Variants in ACAD11 observed in about 807,000 individuals in gnomAD.
ACAD11 encodes the protein acyl-Coenzyme A dehydrogenase family, member 11.
A neutral mutation model predicts 102.2 loss-of-function variants in ACAD11; 83 were observed. The ratio of observed to expected loss-of-function variants is 0.81; its 90% CI spans 0.68 to 0.97. The LOEUF is 0.97. Among genes scored for constraint, ACAD11 ranks in the 50% least tolerant of loss-of-function variants. The pLI, the probability that ACAD11 is intolerant of heterozygous loss-of-function variation, is 0.00. For missense variants in ACAD11, 901 were observed against 951.7 expected, an observed-to-expected ratio of 0.95 and a Z score of 0.70; for synonymous variants, 324 against 319.8, an observed-to-expected ratio of 1.01 and a Z score of -0.14.
intron 17 of ACAD11, among the ~76,000 whole-genome samples, chr3:132,568,498 A>G (rs760303344): frequency 1.3e-5 from 2 of 152,226 alleles, no homozygotes; most frequent in Non-Finnish European, 2.9e-5. Flanking sequence ...TATAGACAAG[A>G]TTATTTTTAA....
At chr3:132,605,481 A>C (rs888872271) in intron 11 of ACAD11, among the ~76,000 whole-genome samples, 2 of 152,222 alleles carry the variant, frequency 1.3e-5, no homozygotes, top group African/African-American at 4.8e-5. Flanking sequence ...CATCTAACTC[A>C]ATTAGAACTG....
intron 4 of ACAD11, 134 bp from the exon 5 acceptor site, chr3:132,639,790 C>G (rs1421784851): frequency 1.4e-6 from 1 of 740,248 alleles, no homozygotes; most frequent in African/African-American, 1.8e-5. Flanking sequence ...ATACTCCTGT[C>G]ATCCTAAAAC....
chr3:132,576,855 G>A (rs1053780274), intron 16 of ACAD11, 89 bp downstream of exon 16: 1 of 942,760 alleles, frequency 1.1e-6, no homozygotes, highest in African/African-American at 1.7e-5. Context: ...TAGACTTCAG[G>A]TCTAAATCTG....
intron 13 of ACAD11, among the ~76,000 whole-genome samples, chr3:132,586,774 G>A (rs1576563773): frequency 6.6e-6 from 1 of 152,278 alleles, no homozygotes; most frequent in African/African-American, 2.4e-5. Context: ...TGTTTTTCAA[G>A]TAGAACATTT....
intron 17 of ACAD11, among the ~76,000 whole-genome samples, chr3:132,573,645 A>C (rs1352956478): frequency 3.3e-5 from 5 of 152,210 alleles, no homozygotes; most frequent in African/African-American, 4.8e-5. Flanking sequence ...ATGGCTGTAA[A>C]ACAGGATAAT....
chr3:132,626,588 T>C, intron 9 of ACAD11, 103 bp downstream of exon 9: 1 of 1,350,784 alleles, frequency 7.4e-7, no homozygotes, highest in Middle Eastern at 2.4e-4. Context: ...AGGTAAGGAT[T>C]GACTAAAGAA....
rs1046301176 is a variant in ACAD11 at position 132,642,579 on chromosome 3, A to G, written c.375+98T>C. 3 of 1,297,578 alleles carry G rather than the reference A, an allele frequency of 2.3e-6. No individual in the cohort carries two copies. In the African/African-American group the frequency reaches 4.6e-5, roughly 20 times the overall value. 80.4% of individuals were successfully genotyped at this position (1,297,578 alleles called of 1,614,324 possible). A position where few individuals can be genotyped will look rare whatever the true frequency, so the allele number is the denominator to read the frequency against. ...AATCTAATTACCTAAAATGTTAAAT[A>G]ACAAACTATATCATTTATTAAGTAT... On this transcript the variant is annotated intron_variant, in intron 3 of 19. Transcript: ENST00000264990.
intron 11 of ACAD11, among the ~76,000 whole-genome samples, chr3:132,617,715 G>A (rs1022755807): frequency 3.3e-5 from 5 of 152,116 alleles, no homozygotes; most frequent in African/African-American, 9.7e-5. Flanking sequence ...AATTCCCATT[G>A]GCTCATCCTT....
At chr3:132,624,606 A>AG (rs1939738940) in intron 9 of ACAD11, among the ~76,000 whole-genome samples, 1 of 148,712 alleles carries the variant, frequency 6.7e-6, no homozygotes, top group Non-Finnish European at 1.5e-5. Context: ...CTCCATTAAA[A>AG]AAAAAAAGCC....
At chr3:132,622,709 A>G (rs1270880831) in intron 9 of ACAD11, among the ~76,000 whole-genome samples, 1 of 152,206 alleles carries the variant, frequency 6.6e-6, no homozygotes, top group Non-Finnish European at 1.5e-5. Context: ...TTTATTAGTT[A>G]ATAGCCAAAA....
chr3:132,600,311 C>A (rs977081381), intron 13 of ACAD11: 16 of 1,270,552 alleles, frequency 1.3e-5, no homozygotes, highest in Non-Finnish European at 1.7e-5. Context: ...AGGGAAAGAA[C>A]AAAACAGCTT....
intron 17 of ACAD11, among the ~76,000 whole-genome samples, chr3:132,561,651 G>A (rs1250311156): frequency 6.6e-6 from 1 of 152,106 alleles, no homozygotes; most frequent in African/African-American, 2.4e-5. Context: ...TTCAGTGTGG[G>A]GACAGTTCAG....
chr3:132,567,304 A>G (rs1398118464), intron 17 of ACAD11, among the ~76,000 whole-genome samples: 1 of 152,166 alleles, frequency 6.6e-6, no homozygotes, highest in Non-Finnish European at 1.5e-5. Context: ...TAAATGGGAG[A>G]AGTTAAAGGA....
At chr3:132,658,945 A>G (rs1296305763) in intron 1 of ACAD11, among the ~76,000 whole-genome samples, 1 of 152,206 alleles carries the variant, frequency 6.6e-6, no homozygotes, top group Non-Finnish European at 1.5e-5. Context: ...TGACAGATCC[A>G]GTTTTCTGAA....
At chr3:132,563,793 G>A (rs1343904516) in intron 17 of ACAD11, among the ~76,000 whole-genome samples, 1 of 151,962 alleles carries the variant, frequency 6.6e-6, no homozygotes, top group Non-Finnish European at 1.5e-5. Context: ...TTACTGCACT[G>A]CCTAGGAATT....
At chr3:132,583,369 T>A (rs577899411) in intron 13 of ACAD11, among the ~76,000 whole-genome samples, 1 of 152,310 alleles carries the variant, frequency 6.6e-6, no homozygotes, top group South Asian at 2.1e-4. Flanking sequence ...TGATGGTAGT[T>A]TGTATTTCTG....
intron 17 of ACAD11, among the ~76,000 whole-genome samples, chr3:132,568,800 G>GC (rs1937289495): frequency 2.1e-5 from 1 of 48,070 alleles, no homozygotes; most frequent in African/African-American, 1.1e-4. Flanking sequence ...ACATCCACAG[G>GC]CAAAAAAAAA....
chr3:132,626,821 T>G lies in ACAD11; in HGVS notation c.1071-4A>C. On this transcript the variant is annotated splice_polypyrimidine_tract_variant and splice_region_variant and intron_variant, in intron 8 of 19. Coordinates refer to ENST00000264990, the MANE Select transcript of ACAD11 (RefSeq NM_032169.5). ...TGGTAGTACAGTACTGAAAGTTCTT[T>G]GCCAAAAGAAAAAAGGAAAAAAAGG... The G allele has an allele frequency of 6.3e-7, 1 of 1,598,244 alleles. No homozygotes were observed. The highest frequency in any genetic ancestry group is 1.4e-5 in the African/African-American group (1 of 74,018).
intron 9 of ACAD11, among the ~76,000 whole-genome samples, chr3:132,622,176 T>A (rs928209552): frequency 5.3e-5 from 8 of 152,200 alleles, no homozygotes; most frequent in African/African-American, 1.7e-4. Context: ...ATTATCAAAT[T>A]ATTTTCCAAA....
Sources: allele counts gnomAD v4.1 joint callset (sites outside exome capture counted in the v4.1 genomes callset), GRCh38; gene constraint gnomAD v4.1.1; transcripts MANE v1.5; gene names NCBI Gene and HGNC (gene_info 2026-07-23, HGNC 2026-07-21).